RAI14: variants seen among roughly 807,000 people sequenced by gnomAD.
The protein encoded by RAI14 is retinoic acid induced 14, also known as ankycorbin.
RAI14 carries 45 observed loss-of-function variants against 115.4 expected under a neutral mutation model. The ratio of observed to expected loss-of-function variants is 0.39; its 90% confidence interval spans 0.31 to 0.50. The LOEUF is 0.50. Ranked by LOEUF, RAI14 falls within the 20% of genes least tolerant of loss-of-function variation. The pLI is 0.85. For missense variants in RAI14, 939 were observed against 1,131.2 expected, an observed-to-expected ratio of 0.83 and a Z score of 2.44; for synonymous variants, 371 against 415.4, an observed-to-expected ratio of 0.89 and a Z score of 1.30.
chr5:34,771,034 C>T (rs1408088696), intron 3 of RAI14, among the ~76,000 whole-genome samples: 3 of 152,160 alleles, frequency 2.0e-5, no homozygotes, highest in African/African-American at 7.2e-5. Flanking sequence ...ATTTGAGTCT[C>T]TTCCTGATCA....
At chr5:34,662,398 C>T (rs1259592531) in intron 1 of RAI14, among the ~76,000 whole-genome samples, 2 of 152,138 alleles carry the variant, frequency 1.3e-5, no homozygotes, top group Non-Finnish European at 2.9e-5. Flanking sequence ...TTTTTTCTAC[C>T]TTGCATGATG....
chr5:34,803,547 A>G (rs1754522778), intron 4 of RAI14, among the ~76,000 whole-genome samples, 165 bp from the exon 5 acceptor site: 1 of 144,996 alleles, frequency 6.9e-6, no homozygotes, highest in African/African-American at 2.5e-5. Flanking sequence ...ACAGAGTGAG[A>G]CCCTGTCTCA....
chr5:34,716,364 G>A, intron 2 of RAI14: 1 of 180,914 alleles, frequency 5.5e-6, no homozygotes, highest in Non-Finnish European at 1.2e-5. Flanking sequence ...GTCAGGAGTG[G>A]TCAGTAGCTT....
At chr5:34,817,049 G>A (rs1013322485) in intron 12 of RAI14, among the ~76,000 whole-genome samples, 2 of 151,960 alleles carry the variant, frequency 1.3e-5, no homozygotes, top group African/African-American at 4.8e-5. Flanking sequence ...AGGCCAAAGC[G>A]GGTGGATCAT....
At chr5:34,679,615 C>A (rs1282986752) in intron 1 of RAI14, among the ~76,000 whole-genome samples, 2 of 152,162 alleles carry the variant, frequency 1.3e-5, no homozygotes, top group Admixed American at 1.3e-4. Context: ...TTGCTCTCCT[C>A]TGACCCTAAC....
rs1757103845 is a variant in RAI14 at position 34,823,262 on chromosome 5, A to G, written c.1420A>G (p.Ile474Val). The G allele has an allele frequency of 6.2e-7, 1 of 1,613,952 alleles. No individual in the cohort carries two copies. Among genetic ancestry groups the G allele is most frequent in the South Asian group, 1.1e-5 (1 of 91,090 alleles). ...AELVCLNNTEISENSSDLSQK... is the reference protein window; with the variant it reads ...AELVCLNNTEVSENSSDLSQK... ...ACTGGTATGCTTAAACAACACTGAG[A>G]TTTCAGAGAACAGCTCTGACCTCAG... Residue 474 changes from isoleucine to valine, a missense_variant, in exon 15 of 18, where the codon ATT becomes GTT. By Grantham distance (29) the Ile-to-Val change is conservative. Coordinates refer to ENST00000265109, the MANE Select transcript of RAI14 (RefSeq NM_015577.3). The surrounding 1 kb of genome is among the most constrained non-coding windows in gnomAD (Gnocchi z 4.5).
intron 2 of RAI14, among the ~76,000 whole-genome samples, chr5:34,737,015 A>G (rs981716301): frequency 1.3e-5 from 2 of 152,190 alleles, no homozygotes; most frequent in African/African-American, 4.8e-5. Context: ...AAACTCTCAT[A>G]GAAGAGCAAG....
chr5:34,730,739 T>C (rs1423599420), intron 2 of RAI14, among the ~76,000 whole-genome samples: 2 of 152,090 alleles, frequency 1.3e-5, no homozygotes, highest in African/African-American at 2.4e-5. Flanking sequence ...TCCTAGCACT[T>C]TGGGAGGCCG....
chr5:34,696,884 A>G (rs868864681), intron 2 of RAI14, among the ~76,000 whole-genome samples: 1 of 152,232 alleles, frequency 6.6e-6, no homozygotes, highest in Admixed American at 6.5e-5. Flanking sequence ...CAATCCCAGC[A>G]CTTTGGGAGG....
chr5:34,657,328 T>C (rs1742354649), intron 1 of RAI14: 1 of 152,214 alleles, frequency 6.6e-6, no homozygotes. Context: ...GTTTGCAGGG[T>C]TGACATCCTA....
Position 34,823,122 on chromosome 5 carries a change from A to G in RAI14, c.1280A>G (p.Asn427Ser), listed in dbSNP as rs765385423. ...TCTTTAGGTAAATCCACTACTGACA[A>G]TGATGTCAGAATTCAGCAACTGCAA... ...IHSLGKSTTD[N>S]DVRIQQLQEI... The change falls in exon 15 of 18, where the codon AAT becomes AGT. Residue 427 changes from asparagine (N) to serine (S), a missense_variant. Coordinates refer to ENST00000265109, the MANE Select transcript of RAI14 (RefSeq NM_015577.3). This position sits in a 1 kb window ranked among gnomAD's most constrained non-coding sequence, Gnocchi z 4.5. 8 of 1,612,276 alleles carry G rather than the reference A, an allele frequency of 5.0e-6. No homozygotes were observed. The highest frequency in any genetic ancestry group is 4.0e-5 in the African/African-American group (3 of 74,854).
chr5:34,666,428 T>G (rs542709848), intron 1 of RAI14, among the ~76,000 whole-genome samples: 4 of 152,098 alleles, frequency 2.6e-5, no homozygotes, highest in Non-Finnish European at 5.9e-5. Flanking sequence ...CACTTTGCCT[T>G]TTTCTTCTTG....
intron 2 of RAI14, among the ~76,000 whole-genome samples, chr5:34,704,171 G>C (rs935578839): frequency 6.6e-6 from 1 of 152,174 alleles, no homozygotes; most frequent in Non-Finnish European, 1.5e-5. Context: ...ACAATACCAG[G>C]AAAGCTTCTT....
At chr5:34,830,629 A>T (rs1757945766) in intron 17 of RAI14, 59 bp from the exon 18 acceptor site, 1 of 1,610,114 alleles carries the variant, frequency 6.2e-7, no homozygotes, top group South Asian at 1.1e-5. Flanking sequence ...TTCCCCAGAG[A>T]AGAAAGTGCC....
At chr5:34,695,282 A>G (rs548932207) in intron 2 of RAI14, among the ~76,000 whole-genome samples, 1 of 152,322 alleles carries the variant, frequency 6.6e-6, no homozygotes, top group East Asian at 1.9e-4. Flanking sequence ...CTAATTAGGT[A>G]TATGATAAGC....
intron 2 of RAI14, among the ~76,000 whole-genome samples, chr5:34,693,895 T>C (rs1399396153): frequency 6.6e-6 from 1 of 152,238 alleles, no homozygotes; most frequent in Admixed American, 6.5e-5. Flanking sequence ...TTATTCCTCC[T>C]GTGACAGGGC....
chr5:34,709,664 A>G (rs1180400639), intron 2 of RAI14, among the ~76,000 whole-genome samples: 2 of 152,224 alleles, frequency 1.3e-5, no homozygotes, highest in African/African-American at 2.4e-5. Context: ...CTTAAAAACA[A>G]AAGTTATTCC....
rs567307506 is a variant in RAI14 at position 34,832,024 on chromosome 5, A to T, written c.*1259A>T. ...TGGTGCATAGCAGAGGTCTCGGAAA[A>T]AAAATATTTCTGTTCACTTTACTTT... On this transcript the variant is annotated 3_prime_UTR_variant, in exon 18 of 18. Transcript: ENST00000265109. 6.6e-6 allele frequency: 1 copy of T among 152,332 alleles called. No individual in the cohort carries two copies. Among genetic ancestry groups the T allele is most frequent in the Admixed American group, 6.5e-5 (1 of 15,294 alleles). 9.4% of individuals were successfully genotyped at this position (152,332 alleles called of 1,614,324 possible).
intron 2 of RAI14, among the ~76,000 whole-genome samples, chr5:34,705,400 T>C (rs2149944251): frequency 6.6e-6 from 1 of 152,282 alleles, no homozygotes; most frequent in East Asian, 1.9e-4. Context: ...AAATATATTA[T>C]TAAAATTAAT....
Sources: gnomAD v4.1 joint callset for allele counts (sites outside exome capture counted in the v4.1 genomes callset) on GRCh38, gnomAD v4.1.1 for gene constraint, Gnocchi (gnomAD v3.1) non-coding constraint, MANE v1.5 for transcripts, NCBI Gene and HGNC (gene_info 2026-07-23, HGNC 2026-07-21) for gene names.